Variants in RANBP2 observed in about 807,000 individuals in gnomAD.
The protein encoded by RANBP2 is E3 SUMO-protein ligase RanBP2.
A neutral mutation model predicts 303.6 loss-of-function variants in RANBP2; 57 were observed. The ratio of observed to expected loss-of-function variants is 0.19; its 90% confidence interval spans 0.15 to 0.23. The LOEUF (loss-of-function observed/expected upper bound fraction) is 0.23. Among genes scored for constraint, RANBP2 ranks in the 10% least tolerant of loss-of-function variants. The pLI, the probability that RANBP2 is intolerant of heterozygous loss-of-function variation, is 1.00. For synonymous variants in RANBP2, 1,167 were observed against 1,301.5 expected, an observed-to-expected ratio of 0.90 and a Z score of 2.23; for missense variants, 3,138 against 3,780.8, an observed-to-expected ratio of 0.83 and a Z score of 4.46.
chr2:109,486,122 C>T, the RANBP2 span, among the ~76,000 whole-genome samples: 2 of 152,224 alleles, frequency 1.3e-5, no homozygotes, highest in Non-Finnish European at 2.9e-5. Flanking sequence ...TTCACCTTCC[C>T]AAGGAGCTGA....
chr2:108,912,526 G>A, the RANBP2 span: 7 of 753,714 alleles, frequency 9.3e-6, no homozygotes, highest in African/African-American at 1.2e-4. Context: ...TCCTGCACGG[G>A]GGGCAACATG....
chr2:109,057,920 C>T, the RANBP2 span, among the ~76,000 whole-genome samples: 2 of 152,320 alleles, frequency 1.3e-5, no homozygotes, highest in Admixed American at 1.3e-4. Context: ...GAGATGATAA[C>T]GATCAGCTCA....
the RANBP2 span, among the ~76,000 whole-genome samples, chr2:109,138,836 C>T: frequency 1.3e-5 from 2 of 152,206 alleles, no homozygotes; most frequent in African/African-American, 4.8e-5. Context: ...GTACTGACTG[C>T]CCACCCTGTT....
chr2:109,019,437 GAGTAA>G, the RANBP2 span, among the ~76,000 whole-genome samples: 3 of 152,182 alleles, frequency 2.0e-5, no homozygotes, highest in African/African-American at 7.2e-5. Flanking sequence ...CCCTTGAGAT[GAGTAA>G]AGTGCCACTG....
the RANBP2 span, among the ~76,000 whole-genome samples, chr2:109,569,550 C>T: frequency 6.6e-6 from 1 of 151,850 alleles, no homozygotes. Context: ...CTTCCATATG[C>T]TCCCAAGGAG....
chr2:109,650,095 A>G, the RANBP2 span, among the ~76,000 whole-genome samples: 1 of 152,300 alleles, frequency 6.6e-6, no homozygotes, highest in East Asian at 1.9e-4. Flanking sequence ...TGACTCACAG[A>G]TATTTGTGTT....
the RANBP2 span, among the ~76,000 whole-genome samples, chr2:109,179,764 C>T: frequency 2.0e-5 from 3 of 152,146 alleles, no homozygotes; most frequent in Non-Finnish European, 4.4e-5. Context: ...CTCAAGATGC[C>T]ATCAACATAT....
the RANBP2 span, among the ~76,000 whole-genome samples, chr2:108,956,164 T>C: frequency 2.0e-5 from 3 of 152,204 alleles, no homozygotes; most frequent in African/African-American, 7.2e-5. Context: ...TCCCATCAAA[T>C]GAACAAGCCA....
chr2:108,762,141 A>G lies in RANBP2; in HGVS notation c.2643A>G (p.Pro881=). ...TGPSVYYSQS[P]AYNSQYLLRP... Reference sequence around the variant, plus strand: ...CTTCAGTATATTATAGTCAGTCACCAGCATATAATTCCCAGTATCTTCTCA... The same window carrying G: ...CTTCAGTATATTATAGTCAGTCACCGGCATATAATTCCCAGTATCTTCTCA... Residue 881 remains proline (P), a synonymous_variant, in exon 19 of 29, where the codon CCA becomes CCG. Coordinates refer to ENST00000283195, the MANE Select transcript of RANBP2 (RefSeq NM_006267.5). 6.3e-7 allele frequency: 1 copy of G among 1,595,484 alleles called. No individual in the cohort carries two copies. The highest frequency in any genetic ancestry group is 1.1e-5 in the South Asian group (1 of 90,682).
the RANBP2 span, among the ~76,000 whole-genome samples, chr2:108,996,921 T>C: frequency 6.6e-6 from 1 of 152,092 alleles, no homozygotes; most frequent in Admixed American, 6.5e-5. Context: ...GATGAGCACA[T>C]GGGATGCTCA....
the RANBP2 span, among the ~76,000 whole-genome samples, chr2:109,207,974 T>C: frequency 6.6e-6 from 1 of 152,174 alleles, no homozygotes; most frequent in Admixed American, 6.5e-5. Flanking sequence ...AGTTGAGCAT[T>C]CCCCCTCCCC....
chr2:109,635,679 G>A, the RANBP2 span, among the ~76,000 whole-genome samples: 2 of 152,188 alleles, frequency 1.3e-5, no homozygotes, highest in African/African-American at 4.8e-5. Context: ...GGGACACAGA[G>A]CAGAAGTCAG....
chr2:109,346,209 A>G, the RANBP2 span, among the ~76,000 whole-genome samples: 2 of 152,200 alleles, frequency 1.3e-5, no homozygotes, highest in Admixed American at 1.3e-4. Context: ...GAGTTCTGCA[A>G]TGAAAAATCC....
At chr2:108,980,075 T>A in the RANBP2 span, among the ~76,000 whole-genome samples, 1 of 116,556 alleles carries the variant, frequency 8.6e-6, no homozygotes, top group Admixed American at 1.4e-4. Flanking sequence ...TCGCCCATCG[T>A]CAAGTTCAAA....
chr2:109,401,044 G>T, the RANBP2 span, among the ~76,000 whole-genome samples: 1 of 152,230 alleles, frequency 6.6e-6, no homozygotes, highest in African/African-American at 2.4e-5. Flanking sequence ...CTCCCTGTGT[G>T]TGTGCACATC....
chr2:108,818,855 TTTAC>T, the RANBP2 span, among the ~76,000 whole-genome samples: 1 of 152,072 alleles, frequency 6.6e-6, no homozygotes, highest in African/African-American at 2.4e-5. Flanking sequence ...ACAGTTATAA[TTTAC>T]TTAAGGATGG....
At chr2:109,094,344 C>T in the RANBP2 span, among the ~76,000 whole-genome samples, 2 of 152,110 alleles carry the variant, frequency 1.3e-5, no homozygotes, top group African/African-American at 4.8e-5. Flanking sequence ...AAAAGGGCAC[C>T]CTTAATTTTG....
the RANBP2 span, among the ~76,000 whole-genome samples, chr2:109,029,852 T>A: frequency 6.6e-6 from 1 of 152,230 alleles, no homozygotes. Flanking sequence ...GATGCAGACA[T>A]CCTTAGCCTT....
chr2:109,532,343 T>G, the RANBP2 span, among the ~76,000 whole-genome samples: 6 of 152,218 alleles, frequency 3.9e-5, no homozygotes, highest in Admixed American at 2.0e-4. Context: ...AAGAGCTGTT[T>G]TAGCTTTTAT....
Sources: gnomAD v4.1 joint callset for allele counts (sites outside exome capture counted in the v4.1 genomes callset) on GRCh38, gnomAD v4.1.1 for gene constraint, MANE v1.5 for transcripts, NCBI Gene and HGNC (gene_info 2026-07-23, HGNC 2026-07-21) for gene names.